Variants in CTSK observed in about 807,000 individuals in gnomAD.
The protein encoded by CTSK is cathepsin O.
A neutral mutation model predicts 40.5 loss-of-function variants in CTSK; 26 were observed. That is an observed-to-expected ratio of 0.64 (90% CI 0.47 to 0.89). The LOEUF (loss-of-function observed/expected upper bound fraction) is 0.89, where lower values mean the gene tolerates loss of function less well. Among genes scored for constraint, CTSK ranks in the 40% least tolerant of loss-of-function variants. The pLI, the probability that CTSK is intolerant of heterozygous loss-of-function variation, is 0.00. For synonymous variants in CTSK, 132 were observed against 143.2 expected, an observed-to-expected ratio of 0.92 and a Z score of 0.56; for missense variants, 292 against 400.1, an observed-to-expected ratio of 0.73 and a Z score of 2.30.
chr1:150,804,178 T>C lies in CTSK; in HGVS notation c.461A>G (p.Lys154Arg), dbSNP rs1175449258. 4 of 1,614,206 alleles carry C rather than the reference T, an allele frequency of 2.5e-6. No homozygotes were observed. The South Asian group carries it at 4.4e-5, about 18-fold the overall frequency. The change falls in exon 5 of 8, where the codon AAG becomes AGG. Residue 154 changes from lysine (K) to arginine (R), a missense_variant. By Grantham distance (26) the Lys-to-Arg change is conservative. Coordinates refer to ENST00000271651, the MANE Select transcript of CTSK (RefSeq NM_000396.4). ...CAGATTTAAGAGTTTGCCAGTTTTC[T>C]TCTTGAGTTGGCCCTCCAGGGCACC... is the stretch of plus-strand genomic sequence containing the variant. ...SVGALEGQLKKKTGKLLNLSP... is the reference protein window; with the variant it reads ...SVGALEGQLKRKTGKLLNLSP...
intron 1 of CTSK, chr1:150,807,314 G>A (rs1452544093): frequency 1.1e-5 from 5 of 471,282 alleles, no homozygotes; most frequent in South Asian, 3.1e-5. Context: ...CTTCTCTTTC[G>A]TGCCTAAATT....
At chr1:150,807,656 T>G (rs1654135863) in intron 1 of CTSK, among the ~76,000 whole-genome samples, 1 of 152,242 alleles carries the variant, frequency 6.6e-6, no homozygotes. Flanking sequence ...TCTAGTTAGC[T>G]TCACTCATTT....
chr1:150,797,087 CT>C (rs1360344037), intron 7 of CTSK, among the ~76,000 whole-genome samples, 189 bp from the exon 8 acceptor site: 3 of 152,074 alleles, frequency 2.0e-5, no homozygotes, highest in Non-Finnish European at 4.4e-5. Flanking sequence ...GGAAAGATTC[CT>C]TCTGATCAAG....
chr1:150,805,781 T>G, intron 4 of CTSK, 80 bp downstream of exon 4: 2 of 1,472,442 alleles, frequency 1.4e-6, no homozygotes, highest in Non-Finnish European at 1.9e-6. Context: ...CTGGTGCCCT[T>G]TCACCTCAAG....
At chr1:150,801,697 C>A (rs587620298) in intron 5 of CTSK, among the ~76,000 whole-genome samples, 45 of 151,810 alleles carry the variant, frequency 3.0e-4, no homozygotes, top group African/African-American at 1.0e-3. Flanking sequence ...TGCCACCACG[C>A]CCAGCTAATT....
chr1:150,797,610 G>C (rs1445853492), intron 7 of CTSK, among the ~76,000 whole-genome samples: 2 of 152,016 alleles, frequency 1.3e-5, no homozygotes, highest in African/African-American at 4.8e-5. Flanking sequence ...AGAGGAGAGA[G>C]GAGAGATTGT....
At chr1:150,802,778 A>G (rs1654017534) in intron 5 of CTSK, among the ~76,000 whole-genome samples, 1 of 151,912 alleles carries the variant, frequency 6.6e-6, no homozygotes, top group African/African-American at 2.4e-5. Context: ...ATGCACCTAT[A>G]TCCTAGCTAT....
chr1:150,804,980 A>G (rs1654056650), intron 4 of CTSK, among the ~76,000 whole-genome samples: 1 of 151,480 alleles, frequency 6.6e-6, no homozygotes, highest in African/African-American at 2.4e-5. Context: ...GGGAGGCCGA[A>G]GCGGGCAGAT....
At position 150,806,187 on chromosome 1, in the gene CTSK, T is replaced by A. The variant is rs936779452; in HGVS notation, c.158A>T (p.Asn53Ile). 24 of 1,613,908 alleles carry A rather than the reference T, an allele frequency of 1.5e-5. No individual in the cohort carries two copies. The highest frequency in any genetic ancestry group is 1.9e-5 in the Non-Finnish European group (23 of 1,179,954). The change falls in exon 3 of 8, where the codon AAC becomes ATC. Residue 53 changes from asparagine to isoleucine, a missense_variant. Transcript: ENST00000271651. ...GTTATGGATGGAAATATACTTCAGG[T>A]TTTTTTCCCAAATTAAACGCCGAGA... ...EISRRLIWEK[N>I]LKYISIHNLE...
chr1:150,799,332 C>T, intron 6 of CTSK, 59 bp from the exon 7 acceptor site: 1 of 1,368,206 alleles, frequency 7.3e-7, no homozygotes, highest in South Asian at 1.2e-5. Context: ...CCTGTGGGAT[C>T]TCCCAGTCTA....
intron 2 of CTSK, 148 bp from the exon 3 acceptor site, chr1:150,806,372 GAA>G (rs1321367426): frequency 1.0e-6 from 1 of 955,524 alleles, no homozygotes; most frequent in African/African-American, 1.7e-5. Flanking sequence ...GAGCCTGCAA[GAA>G]GAGATAATAT....
intron 7 of CTSK, among the ~76,000 whole-genome samples, chr1:150,797,528 A>C (rs934429379): frequency 3.3e-5 from 5 of 152,142 alleles, no homozygotes; most frequent in Admixed American, 3.3e-4. Flanking sequence ...AGATGGATGA[A>C]ACTATGAGAG....
At chr1:150,806,869 C>T (rs1654105063) in intron 1 of CTSK, 63 bp from the exon 2 acceptor site, 6 of 1,593,732 alleles carry the variant, frequency 3.8e-6, no homozygotes, top group Non-Finnish European at 5.1e-6. Flanking sequence ...GAAAACTAGG[C>T]TTTATGAGGA....
intron 6 of CTSK, 21 bp downstream of exon 6, chr1:150,799,523 A>G: frequency 6.2e-7 from 1 of 1,613,168 alleles, no homozygotes; most frequent in South Asian, 1.1e-5. Context: ...ACAGTGCTGT[A>G]TAGGATCAGC....
chr1:150,801,942 C>G (rs139041263), intron 5 of CTSK, among the ~76,000 whole-genome samples: 21 of 152,104 alleles, frequency 1.4e-4, no homozygotes, highest in Admixed American at 5.2e-4. Context: ...TCTCTTTAAA[C>G]TTTTAAGAAT....
At chr1:150,806,588 G>C in intron 2 of CTSK, 98 bp downstream of exon 2, 2 of 1,514,088 alleles carry the variant, frequency 1.3e-6, no homozygotes, top group South Asian at 2.3e-5. Context: ...GATTTGCTTG[G>C]AATAAAGCAT....
At chr1:150,803,185 G>A (rs1024340535) in intron 5 of CTSK, among the ~76,000 whole-genome samples, 2 of 152,164 alleles carry the variant, frequency 1.3e-5, no homozygotes, top group African/African-American at 4.8e-5. Flanking sequence ...AATGTTTGCA[G>A]AAGATAAACA....
At chr1:150,801,633 G>A (rs1234150701) in intron 5 of CTSK, among the ~76,000 whole-genome samples, 4 of 150,584 alleles carry the variant, frequency 2.7e-5, no homozygotes, top group Admixed American at 6.6e-5. Flanking sequence ...CCACCTCCCG[G>A]GTTCACGCCA....
chr1:150,806,227 A>T lies in CTSK; in HGVS notation c.121-3T>A. On this transcript the variant is annotated splice_region_variant and splice_polypyrimidine_tract_variant and intron_variant, in intron 2 of 7. Coordinates refer to ENST00000271651, the MANE Select transcript of CTSK (RefSeq NM_000396.4). Reference sequence around the variant, plus strand: ...AAACGCCGAGAGATTTCATCCACCTAAACAAAGCATAGTCAGTACTTGTAT... The same window carrying T: ...AAACGCCGAGAGATTTCATCCACCTTAACAAAGCATAGTCAGTACTTGTAT... 1.2e-6 allele frequency: 2 copies of T among 1,614,002 alleles called. No individual in the cohort carries two copies. The highest frequency in any genetic ancestry group is 1.7e-6 in the Non-Finnish European group (2 of 1,179,962).
Sources: gnomAD v4.1 joint callset for allele counts (sites outside exome capture counted in the v4.1 genomes callset) on GRCh38, gnomAD v4.1.1 for gene constraint, MANE v1.5 for transcripts, NCBI Gene and HGNC (gene_info 2026-07-23, HGNC 2026-07-21) for gene names.